The following BEND7 variants were observed in gnomAD, a reference collection of about 807,000 sequenced individuals.
BEND7 encodes the protein BEN domain-containing protein 7.
In BEND7, 28 loss-of-function variants were observed where a neutral mutation model predicts 50.9. The observed-to-expected ratio is 0.55, with a 90% CI of 0.41 to 0.75. The LOEUF (loss-of-function observed/expected upper bound fraction) is 0.75, where lower values mean the gene tolerates loss of function less well. BEND7 is among the 30% of genes least tolerant of loss of function. The probability of loss-of-function intolerance (pLI) is 0.00; values close to 1 mark genes in which losing one functional copy is unlikely to be tolerated. For missense variants in BEND7, 477 were observed against 491.3 expected, an observed-to-expected ratio of 0.97 and a Z score of 0.28; for synonymous variants, 170 against 183.9, an observed-to-expected ratio of 0.92 and a Z score of 0.61.
intron 5 of BEND7, among the ~76,000 whole-genome samples, chr10:13,486,169 C>CT (rs901499481): frequency 2.6e-5 from 4 of 152,216 alleles, no homozygotes; most frequent in African/African-American, 9.6e-5. Context: ...ATGTGCTACC[C>CT]TGCCCAGCAA....
Position 13,492,783 on chromosome 10 carries a change from G to A in BEND7, c.665C>T (p.Pro222Leu), listed in dbSNP as rs2076758329. Residue 222 changes from proline to leucine, a missense_variant, in exon 5 of 9, where the codon CCC becomes CTC. Transcript: ENST00000466271. ...AGTAAGAGGTTCCACAGTCTTTGGG[G>A]GCACTTTTTTCTTTTTATTTCTCTT... ...SRKRNKKKKV[P>L]PKTVEPLTVK... The A allele has an allele frequency of 1.2e-6, 2 of 1,608,626 alleles. No individual in the cohort carries two copies. The highest frequency in any genetic ancestry group is 2.7e-5 in the African/African-American group (2 of 74,342).
At chr10:13,503,163 A>G (rs957930007) in intron 2 of BEND7, among the ~76,000 whole-genome samples, 1 of 152,170 alleles carries the variant, frequency 6.6e-6, no homozygotes, top group African/African-American at 2.4e-5. Context: ...CCAGCATCCT[A>G]AGCTGCAGGT....
At chr10:13,525,897 TGTGA>T (rs2079429464) in intron 2 of BEND7, among the ~76,000 whole-genome samples, 2 of 152,240 alleles carry the variant, frequency 1.3e-5, no homozygotes, top group Non-Finnish European at 2.9e-5. Flanking sequence ...CATCTGGCTC[TGTGA>T]GTGAGTGATA....
chr10:13,443,631 C>T (rs1564488932), intron 8 of BEND7: 1 of 152,156 alleles, frequency 6.6e-6, no homozygotes, highest in Non-Finnish European at 1.5e-5. Context: ...TGAGAAAGGC[C>T]ACGAATGTGT....
intron 6 of BEND7, among the ~76,000 whole-genome samples, chr10:13,457,677 T>C (rs1343695746): frequency 6.6e-6 from 1 of 152,232 alleles, no homozygotes; most frequent in African/African-American, 2.4e-5. Context: ...AAGACTGTCA[T>C]TGCATTGATC....
chr10:13,451,190 CTT>C (rs34416134), intron 7 of BEND7, among the ~76,000 whole-genome samples: 15 of 142,288 alleles, frequency 1.1e-4, no homozygotes, highest in Non-Finnish European at 1.5e-4. Flanking sequence ...ATTTCTCCAC[CTT>C]TTTTTTTTTT....
At chr10:13,491,531 G>C (rs555850386) in intron 5 of BEND7, among the ~76,000 whole-genome samples, 1 of 149,658 alleles carries the variant, frequency 6.7e-6, no homozygotes, top group South Asian at 2.1e-4. Context: ...TAGACTAGAT[G>C]AACTTCTTAA....
chr10:13,454,811 C>T (rs1014113622), intron 6 of BEND7, among the ~76,000 whole-genome samples: 3 of 152,314 alleles, frequency 2.0e-5, no homozygotes, highest in Non-Finnish European at 4.4e-5. Flanking sequence ...GAGAAATCTA[C>T]AGTTCAGAGA....
At chr10:13,461,964 T>A (rs1378399573) in intron 6 of BEND7, among the ~76,000 whole-genome samples, 1 of 152,062 alleles carries the variant, frequency 6.6e-6, no homozygotes, top group Non-Finnish European at 1.5e-5. Context: ...GATGAGCTCA[T>A]ATTTAAAATA....
intron 6 of BEND7, among the ~76,000 whole-genome samples, chr10:13,479,510 G>GA (rs901659117): frequency 2.5e-4 from 37 of 150,270 alleles, no homozygotes; most frequent in Non-Finnish European, 4.4e-4. Context: ...CTGCCCTGGG[G>GA]AAAAAAAAAG....
intron 7 of BEND7, among the ~76,000 whole-genome samples, chr10:13,447,536 CTTTTTTTT>C (rs11346528): frequency 3.6e-4 from 31 of 86,106 alleles, no homozygotes; most frequent in African/African-American, 9.9e-4. Flanking sequence ...CGTATTAAAA[CTTTTTTTT>C]TTTTTTTTTT....
At chr10:13,510,872 A>T (rs1024769860) in intron 2 of BEND7, among the ~76,000 whole-genome samples, 1 of 147,548 alleles carries the variant, frequency 6.8e-6, no homozygotes, top group African/African-American at 2.5e-5. Context: ...GATTGGATTT[A>T]AAAAAAAAAA....
At chr10:13,491,484 C>T (rs1007064269) in intron 5 of BEND7, among the ~76,000 whole-genome samples, 6 of 151,330 alleles carry the variant, frequency 4.0e-5, no homozygotes, top group African/African-American at 1.2e-4. Flanking sequence ...CAGCATAGAA[C>T]GTTATCATCA....
intron 5 of BEND7, among the ~76,000 whole-genome samples, chr10:13,481,448 A>G (rs1255390244): frequency 6.6e-6 from 1 of 152,194 alleles, no homozygotes; most frequent in Non-Finnish European, 1.5e-5. Context: ...AAATATCCTC[A>G]TTTTGTAAAC....
At chr10:13,516,387 C>T (rs1394195184) in intron 2 of BEND7, among the ~76,000 whole-genome samples, 1 of 152,142 alleles carries the variant, frequency 6.6e-6, no homozygotes, top group Non-Finnish European at 1.5e-5. Flanking sequence ...GGAGTGCATC[C>T]TATTTCAGAG....
intron 6 of BEND7, among the ~76,000 whole-genome samples, chr10:13,466,616 G>A (rs1365180601): frequency 3.9e-5 from 6 of 151,944 alleles, no homozygotes; most frequent in Non-Finnish European, 5.9e-5. Context: ...ATTATGTTTC[G>A]TATAACTCAT....
In BEND7 at chr10:13,528,548, G is replaced by A; in HGVS notation, c.-15C>T. 9.8e-7 allele frequency: 1 copy of A among 1,019,226 alleles called. No homozygotes were observed. Among genetic ancestry groups the A allele is most frequent in the Non-Finnish European group, 1.2e-6 (1 of 853,526 alleles). 63.1% of individuals were successfully genotyped at this position (1,019,226 alleles called of 1,614,324 possible). ...GAGAACTCCATGGTGCGGGGAAGGC[G>A]GCGGCGGGGGCTGAGGAGGCGGCGG... On this transcript the variant is annotated 5_prime_UTR_variant, in exon 1 of 9. Coordinates refer to ENST00000466271, the MANE Select transcript of BEND7 (RefSeq NM_001369863.1).
At chr10:13,452,445 G>T in intron 7 of BEND7, 94 bp downstream of exon 7, 2 of 1,305,184 alleles carry the variant, frequency 1.5e-6, no homozygotes, top group South Asian at 3.5e-5. Flanking sequence ...CAAAAGACAA[G>T]ATGCTGAAAT....
At position 13,528,946 on chromosome 10, in the gene BEND7, C is replaced by T. The variant is rs969943701; in HGVS notation, c.-413G>A. 1 of 141,704 alleles carries T rather than the reference C, an allele frequency of 7.1e-6. No homozygotes were observed. The highest frequency in any genetic ancestry group is 2.6e-5 in the African/African-American group (1 of 38,946). 8.8% of individuals were successfully genotyped at this position (141,704 alleles called of 1,614,324 possible). ...GGGCGGCCGGCCCGCCTGGGCTCAG[C>T]CTGCGGTCGCGGCGGCGGCGGCGGC... is the stretch of plus-strand genomic sequence containing the variant. On this transcript the variant is annotated 5_prime_UTR_variant, in exon 1 of 9. Coordinates refer to ENST00000466271, the MANE Select transcript of BEND7 (RefSeq NM_001369863.1).
Sources: gnomAD v4.1 joint callset for allele counts (sites outside exome capture counted in the v4.1 genomes callset) on GRCh38, gnomAD v4.1.1 for gene constraint, MANE v1.5 for transcripts, NCBI Gene and HGNC (gene_info 2026-07-23, HGNC 2026-07-21) for gene names.